DGKI: variants seen among roughly 807,000 people sequenced by gnomAD.
DGKI encodes diacylglycerol kinase iota, also known as DAG kinase iota.
Under a neutral mutation model 147.5 loss-of-function variants are expected in DGKI, and 55 were observed. That is an observed-to-expected ratio of 0.37 (90% CI 0.30 to 0.47). DGKI has a LOEUF of 0.47. DGKI is among the 20% of genes least tolerant of loss of function. The pLI, the probability that DGKI is intolerant of heterozygous loss-of-function variation, is 1.00. For synonymous variants in DGKI, 469 were observed against 477.1 expected, an observed-to-expected ratio of 0.98 and a Z score of 0.22; for missense variants, 1,007 against 1,323.8, an observed-to-expected ratio of 0.76 and a Z score of 3.71.
At chr7:137,596,791 G>A (rs1297518509) in intron 12 of DGKI, among the ~76,000 whole-genome samples, 1 of 152,152 alleles carries the variant, frequency 6.6e-6, no homozygotes, top group Non-Finnish European at 1.5e-5. Flanking sequence ...GGTATATAAT[G>A]TGTATCCAAC....
rs936396347 is a variant in DGKI at position 137,387,559 on chromosome 7, T to C, written c.*3661A>G. On this transcript the variant is annotated 3_prime_UTR_variant, in exon 33 of 33. Transcript: ENST00000614521. Reference sequence around the variant, plus strand: ...TTGCATGTGTATATAAATAAATGTCTATATATGTGTGTAAATGTATATGCG... The same window carrying C: ...TTGCATGTGTATATAAATAAATGTCCATATATGTGTGTAAATGTATATGCG... 1 of 152,222 alleles carries C rather than the reference T, an allele frequency of 6.6e-6. No homozygotes were observed. Among genetic ancestry groups the C allele is most frequent in the African/African-American group, 2.4e-5 (1 of 41,460 alleles). The allele number at this position is 152,222 out of a possible 1,614,324, so 9.4% of individuals were successfully genotyped here.
intron 7 of DGKI, among the ~76,000 whole-genome samples, chr7:137,622,771 T>C (rs1820795310): frequency 6.6e-6 from 1 of 152,082 alleles, no homozygotes; most frequent in African/African-American, 2.4e-5. Flanking sequence ...GGTACACAGG[T>C]ACACATGTAC....
chr7:137,639,138 GTTT>G (rs372778137), intron 6 of DGKI, among the ~76,000 whole-genome samples: 1 of 152,142 alleles, frequency 6.6e-6, no homozygotes, highest in African/African-American at 2.4e-5. Flanking sequence ...TTGATAAAAT[GTTT>G]TTACTTGCTA....
intron 7 of DGKI, among the ~76,000 whole-genome samples, chr7:137,622,188 T>C (rs1225732891): frequency 6.6e-6 from 1 of 151,818 alleles, no homozygotes; most frequent in African/African-American, 2.4e-5. Context: ...TCTTCTGACA[T>C]GTAGGAGGCT....
chr7:137,629,554 C>T (rs952359116), intron 6 of DGKI, among the ~76,000 whole-genome samples: 8 of 152,192 alleles, frequency 5.3e-5, no homozygotes, highest in African/African-American at 1.9e-4. Context: ...CAACTGAGAC[C>T]TTCACGTGAC....
chr7:137,556,260 AT>A (rs1046601741), intron 19 of DGKI, among the ~76,000 whole-genome samples: 1 of 152,098 alleles, frequency 6.6e-6, no homozygotes. Flanking sequence ...CTAGAAAAAA[AT>A]ATTATTCACA....
At chr7:137,479,755 A>C (rs556769364) in intron 23 of DGKI, among the ~76,000 whole-genome samples, 1 of 152,304 alleles carries the variant, frequency 6.6e-6, no homozygotes, top group Non-Finnish European at 1.5e-5. Context: ...ATGGCCAATC[A>C]ATAATCACCT....
At chr7:137,396,260 G>A (rs1480761364) in intron 31 of DGKI, among the ~76,000 whole-genome samples, 2 of 152,152 alleles carry the variant, frequency 1.3e-5, no homozygotes, top group Non-Finnish European at 2.9e-5. Context: ...GGAAGGAGGG[G>A]GCAGCCATAG....
At chr7:137,604,611 C>T (rs1820107047) in intron 10 of DGKI, among the ~76,000 whole-genome samples, 1 of 152,144 alleles carries the variant, frequency 6.6e-6, no homozygotes, top group South Asian at 2.1e-4. Flanking sequence ...CCAACTCCTG[C>T]CATACTTCTA....
At chr7:137,425,999 C>T (rs1291750849) in intron 28 of DGKI, among the ~76,000 whole-genome samples, 2 of 152,192 alleles carry the variant, frequency 1.3e-5, no homozygotes, top group African/African-American at 4.8e-5. Context: ...AGGAGAACTT[C>T]CCCAATCTAA....
chr7:137,496,195 C>T (rs1815958967), intron 21 of DGKI, among the ~76,000 whole-genome samples: 1 of 151,404 alleles, frequency 6.6e-6, no homozygotes, highest in Non-Finnish European at 1.5e-5. Context: ...ATAAAAAACA[C>T]AATCCTATTC....
intron 8 of DGKI, among the ~76,000 whole-genome samples, chr7:137,615,404 C>T (rs1195181162): frequency 1.1e-4 from 16 of 151,984 alleles, no homozygotes; most frequent in Admixed American, 1.0e-3. Flanking sequence ...CTACTGTATA[C>T]AATAGCATCT....
chr7:137,595,651 G>A (rs1441562088), intron 12 of DGKI, among the ~76,000 whole-genome samples: 1 of 152,020 alleles, frequency 6.6e-6, no homozygotes, highest in East Asian at 1.9e-4. Flanking sequence ...TCTAATTGCA[G>A]AGAATATCTC....
At chr7:137,468,282 C>A (rs892782542) in intron 24 of DGKI, among the ~76,000 whole-genome samples, 4 of 151,890 alleles carry the variant, frequency 2.6e-5, no homozygotes, top group Non-Finnish European at 5.9e-5. Flanking sequence ...ACCATGACTG[C>A]AATTACCTTT....
At chr7:137,428,203 A>T (rs1216595393) in intron 28 of DGKI, among the ~76,000 whole-genome samples, 1 of 150,278 alleles carries the variant, frequency 6.7e-6, no homozygotes, top group African/African-American at 2.5e-5. Flanking sequence ...CTTATCCACC[A>T]TGATCAAGTG....
At chr7:137,567,933 T>C (rs1818646839) in intron 19 of DGKI, among the ~76,000 whole-genome samples, 1 of 152,196 alleles carries the variant, frequency 6.6e-6, no homozygotes, top group Non-Finnish European at 1.5e-5. Flanking sequence ...CAGAATAATA[T>C]AATGGAAGAG....
chr7:137,493,843 T>C, intron 21 of DGKI: 1 of 698,086 alleles, frequency 1.4e-6, no homozygotes. Context: ...ATAGCTGAAA[T>C]GACAGAAATA....
intron 2 of DGKI, among the ~76,000 whole-genome samples, chr7:137,679,799 C>G (rs896639712): frequency 4.6e-5 from 7 of 151,376 alleles, no homozygotes; most frequent in African/African-American, 9.7e-5. Flanking sequence ...ACCAGCCTGG[C>G]CAACATGGTG....
rs183892716 is a variant in DGKI at position 137,846,370 on chromosome 7, T to C, written c.401+92A>G. On this transcript the variant is annotated intron_variant, in intron 1 of 32. Coordinates refer to ENST00000614521, the MANE Select transcript of DGKI (RefSeq NM_001321708.2). The surrounding 1 kb of genome is among the most constrained non-coding windows in gnomAD (Gnocchi z 4.0). ...AAGGAGAGGCGTGGAAACAGAGAGGTGCCCAACTCCGCGGAAGCGCCCCTT... is the reference window on the plus strand; with the variant it reads ...AAGGAGAGGCGTGGAAACAGAGAGGCGCCCAACTCCGCGGAAGCGCCCCTT... 6.2e-6 allele frequency: 5 copies of C among 809,410 alleles called. No homozygotes were observed. Among genetic ancestry groups the C allele is most frequent in the Non-Finnish European group, 9.1e-6 (5 of 548,804 alleles). The allele number at this position is 809,410 out of a possible 1,614,324, so 50.1% of individuals were successfully genotyped here.
Sources: gnomAD v4.1 joint callset for allele counts (sites outside exome capture counted in the v4.1 genomes callset) on GRCh38, gnomAD v4.1.1 for gene constraint, Gnocchi (gnomAD v3.1) non-coding constraint, MANE v1.5 for transcripts, NCBI Gene and HGNC (gene_info 2026-07-23, HGNC 2026-07-21) for gene names.